The following PTK2 variants were observed in gnomAD, a reference collection of about 807,000 sequenced individuals.
The protein encoded by PTK2 is protein tyrosine kinase 2.
In PTK2, 45 loss-of-function variants were observed where a neutral mutation model predicts 150.1. The observed-to-expected ratio is 0.30, with a 90% confidence interval of 0.24 to 0.38. The LOEUF (loss-of-function observed/expected upper bound fraction) is 0.38. Among genes scored for constraint, PTK2 ranks in the 10% least tolerant of loss-of-function variants. The probability of loss-of-function intolerance (pLI) is 1.00; values close to 1 mark genes in which losing one functional copy is unlikely to be tolerated. For synonymous variants in PTK2, 432 were observed against 449.2 expected, an observed-to-expected ratio of 0.96 and a Z score of 0.48; for missense variants, 919 against 1,307.3, an observed-to-expected ratio of 0.70 and a Z score of 4.58.
intron 24 of PTK2, among the ~76,000 whole-genome samples, chr8:140,703,097 G>A (rs767407614): frequency 4.6e-5 from 7 of 152,122 alleles, no homozygotes; most frequent in Non-Finnish European, 1.0e-4. Context: ...TGTAATCCTA[G>A]CACTTTGGGA....
intron 14 of PTK2, among the ~76,000 whole-genome samples, chr8:140,779,387 G>C (rs1470545652): frequency 6.6e-6 from 1 of 152,140 alleles, no homozygotes; most frequent in Non-Finnish European, 1.5e-5. Flanking sequence ...AGGAACATAG[G>C]ACAGCCTTGT....
At chr8:140,875,294 CAAAG>C (rs1259361346) in intron 4 of PTK2, among the ~76,000 whole-genome samples, 1 of 151,884 alleles carries the variant, frequency 6.6e-6, no homozygotes, top group African/African-American at 2.4e-5. Flanking sequence ...GGAGGTGAGA[CAAAG>C]AAAGCGTTAA....
intron 14 of PTK2, among the ~76,000 whole-genome samples, chr8:140,787,524 A>G (rs570180092): frequency 2.0e-4 from 31 of 152,360 alleles, no homozygotes; most frequent in Admixed American, 1.5e-3. Flanking sequence ...GGCTGGAAGA[A>G]GTAAAATCCA....
chr8:140,778,619 G>A (rs540963197), intron 14 of PTK2, among the ~76,000 whole-genome samples: 4 of 152,316 alleles, frequency 2.6e-5, no homozygotes, highest in South Asian at 2.1e-4. Flanking sequence ...TTCGCTTTAC[G>A]GTTCAGTTGT....
At chr8:140,924,507 A>G (rs1304605195) in intron 2 of PTK2, among the ~76,000 whole-genome samples, 3 of 152,018 alleles carry the variant, frequency 2.0e-5, no homozygotes, top group Non-Finnish European at 2.9e-5. Context: ...CCACCCTCCT[A>G]TCACCTCTAA....
At chr8:140,946,014 C>T (rs1330861054) in intron 1 of PTK2, among the ~76,000 whole-genome samples, 1 of 152,112 alleles carries the variant, frequency 6.6e-6, no homozygotes, top group East Asian at 1.9e-4. Context: ...GGTTTCTCCA[C>T]CCTGGTACCA....
intron 5 of PTK2, among the ~76,000 whole-genome samples, chr8:140,854,649 T>A (rs1197346982): frequency 6.6e-6 from 1 of 152,230 alleles, no homozygotes; most frequent in East Asian, 1.9e-4. Context: ...TTAATATATT[T>A]CAGAATATTC....
At chr8:140,713,220 G>A (rs899918989) in intron 23 of PTK2, among the ~76,000 whole-genome samples, 2 of 152,190 alleles carry the variant, frequency 1.3e-5, no homozygotes, top group African/African-American at 2.4e-5. Flanking sequence ...GCCCTGATTT[G>A]TGCTAAGGTG....
chr8:140,947,428 A>C (rs539559416), intron 1 of PTK2, among the ~76,000 whole-genome samples: 1 of 152,340 alleles, frequency 6.6e-6, no homozygotes, highest in South Asian at 2.1e-4. Flanking sequence ...TGGCAGCACC[A>C]AAGTCTGAAC....
chr8:140,921,756 G>A (rs2100167546), intron 2 of PTK2, among the ~76,000 whole-genome samples: 1 of 152,116 alleles, frequency 6.6e-6, no homozygotes, highest in Non-Finnish European at 1.5e-5. Context: ...CAAAACATAA[G>A]TGAGTAATAA....
At chr8:140,845,690 G>C (rs537064564) in intron 7 of PTK2, among the ~76,000 whole-genome samples, 127 of 152,226 alleles carry the variant, frequency 8.3e-4, no homozygotes, top group Non-Finnish European at 1.5e-3. Flanking sequence ...CTGGCACTTA[G>C]CTACAAAGGA....
intron 27 of PTK2, among the ~76,000 whole-genome samples, chr8:140,682,241 A>G (rs1031005325): frequency 7.2e-5 from 11 of 152,088 alleles, no homozygotes; most frequent in Admixed American, 6.6e-4. Flanking sequence ...AATTAGATGG[A>G]CGTGGTGGCA....
chr8:141,000,087 T>TCACTCACACACACACACACACACACACA (rs1555522724), intron 1 of PTK2, among the ~76,000 whole-genome samples: 1 of 81,608 alleles, frequency 1.2e-5, no homozygotes, highest in Admixed American at 1.3e-4. Context: ...TGAAACCAAT[T>TCACTCACACACACACACACACACACACA]CACACACACA....
At chr8:140,719,233 C>A (rs2100041427) in intron 22 of PTK2, among the ~76,000 whole-genome samples, 1 of 152,122 alleles carries the variant, frequency 6.6e-6, no homozygotes, top group African/African-American at 2.4e-5. Context: ...AATCAAAAGT[C>A]CCACTCCATT....
chr8:140,923,835 T>A (rs1452221423), intron 2 of PTK2, among the ~76,000 whole-genome samples: 1 of 152,046 alleles, frequency 6.6e-6, no homozygotes, highest in East Asian at 1.9e-4. Flanking sequence ...TCTCACCACA[T>A]CTCCTGGCCT....
At chr8:140,835,219 T>A (rs1174448876) in intron 7 of PTK2, among the ~76,000 whole-genome samples, 1 of 152,244 alleles carries the variant, frequency 6.6e-6, no homozygotes, top group Non-Finnish European at 1.5e-5. Flanking sequence ...GAATCAACTT[T>A]CTTTACATAT....
intron 2 of PTK2, among the ~76,000 whole-genome samples, chr8:140,912,168 AG>A (rs2100163434): frequency 6.6e-6 from 1 of 152,088 alleles, no homozygotes; most frequent in South Asian, 2.1e-4. Flanking sequence ...GCTTGAGCCC[AG>A]GACTTCAAGG....
At chr8:140,854,225 A>C (rs1451607167) in intron 5 of PTK2, among the ~76,000 whole-genome samples, 1 of 152,234 alleles carries the variant, frequency 6.6e-6, no homozygotes, top group African/African-American at 2.4e-5. Context: ...TCTAAGTCTT[A>C]AAACATCTGT....
Position 140,780,558 on chromosome 8 carries a change from C to T in PTK2, c.1177+8916G>A, listed in dbSNP as rs1009399038. On this transcript the variant is annotated intron_variant, in intron 14 of 31. Transcript: ENST00000522684. ...GAATATGAGAATAGGACAAGGGACA[C>T]AATTTCTTCAACAGAGTAATTGCAA... Among the ~76,000 whole-genome samples, 95 of 152,290 alleles carry T rather than the reference C, an allele frequency of 6.2e-4. 1 individual carries two copies. Among genetic ancestry groups the T allele is most frequent in the South Asian group, 2.3e-3 (11 of 4,824 alleles).
Sources: allele counts gnomAD v4.1 joint callset (sites outside exome capture counted in the v4.1 genomes callset), GRCh38; gene constraint gnomAD v4.1.1; transcripts MANE v1.5; gene names NCBI Gene and HGNC (gene_info 2026-07-23, HGNC 2026-07-21).